PGAP2: variants seen among roughly 807,000 people sequenced by gnomAD.
PGAP2 encodes the protein post-GPI attachment to proteins 2.
Under a neutral mutation model 33.2 loss-of-function variants are expected in PGAP2, and 21 were observed. The ratio of observed to expected loss-of-function variants is 0.63; its 90% CI spans 0.45 to 0.91. The LOEUF (loss-of-function observed/expected upper bound fraction) is 0.91. Ranked by LOEUF, PGAP2 falls within the 40% of genes least tolerant of loss-of-function variation. The pLI, the probability that PGAP2 is intolerant of heterozygous loss-of-function variation, is 0.00. For missense variants in PGAP2, 345 were observed against 424.0 expected (o/e 0.81, Z 1.64); for synonymous variants, 161 against 172.9 (o/e 0.93, Z 0.54).
chr11:3,808,412 C>G, upstream of PGAP2: 1 of 1,545,366 alleles, frequency 6.5e-7, no homozygotes, highest in Non-Finnish European at 8.7e-7. Flanking sequence ...GGGGCAGACC[C>G]GGGCTGTAAA....
intron 5 of PGAP2, chr11:3,824,677 A>C (rs1677084820): frequency 1.3e-6 from 1 of 768,494 alleles, no homozygotes; most frequent in Non-Finnish European, 2.0e-6. Flanking sequence ...GTGTCAGAGG[A>C]CTGGTCTGTC....
chr11:3,825,682 C>T lies in PGAP2; in HGVS notation c.*224C>T, dbSNP rs960385984. 2.5e-6 allele frequency: 1 copy of T among 394,734 alleles called. No homozygotes were observed. The allele number at this position is 394,734 out of a possible 1,614,324, so 24.5% of individuals were successfully genotyped here. A position where few individuals can be genotyped will look rare whatever the true frequency, so the allele number is the denominator to read the frequency against. On this transcript the variant is annotated 3_prime_UTR_variant, in exon 7 of 7. Transcript: ENST00000278243. Reference sequence around the variant, plus strand: ...CAAACATCACCTTTACCTGAGAGGCCCCAAGAAGCTGAGCTGGCAGAGAGC... The same window carrying T: ...CAAACATCACCTTTACCTGAGAGGCTCCAAGAAGCTGAGCTGGCAGAGAGC...
At chr11:3,810,453 T>C (rs1033580375) in intron 1 of PGAP2, among the ~76,000 whole-genome samples, 4 of 152,162 alleles carry the variant, frequency 2.6e-5, no homozygotes, top group Non-Finnish European at 5.9e-5. Context: ...TTATTTGTTA[T>C]AGTTCCTGAC....
intron 1 of PGAP2, among the ~76,000 whole-genome samples, chr11:3,799,148 G>C (rs574955212): frequency 6.6e-6 from 1 of 152,308 alleles, no homozygotes; most frequent in East Asian, 1.9e-4. Flanking sequence ...CCCATTAGCA[G>C]AAAACTGATA....
intron 2 of PGAP2, among the ~76,000 whole-genome samples, chr11:3,815,313 T>C (rs978700787): frequency 7.9e-5 from 12 of 151,368 alleles, no homozygotes; most frequent in South Asian, 2.1e-4. Flanking sequence ...TCTTCTTCTT[T>C]TTTTTTTTTT....
At chr11:3,797,895 C>T (rs1473173930) in exon 1 of PGAP2, 4 of 1,549,092 alleles carry the variant, frequency 2.6e-6, no homozygotes, top group South Asian at 1.2e-5. Flanking sequence ...GGTGACGCAA[C>T]ATAGAGACTC....
chr11:3,824,698 C>T (rs533906073), intron 5 of PGAP2: 39 of 904,358 alleles, frequency 4.3e-5, no homozygotes, highest in Admixed American at 1.5e-4. Context: ...ATAATTCCAG[C>T]GCCCCACCCA....
upstream of PGAP2, among the ~76,000 whole-genome samples, chr11:3,804,392 G>A (rs970235099): frequency 2.0e-5 from 3 of 152,100 alleles, no homozygotes; most frequent in Non-Finnish European, 2.9e-5. Flanking sequence ...CAGGAAGGAT[G>A]TCTTGGTCAT....
chr11:3,818,252 G>A (rs1173690272), intron 3 of PGAP2, among the ~76,000 whole-genome samples: 4 of 149,760 alleles, frequency 2.7e-5, no homozygotes, highest in Admixed American at 1.3e-4. Context: ...TGTAATCCCA[G>A]CTACTCAGGA....
intron 3 of PGAP2, among the ~76,000 whole-genome samples, chr11:3,822,686 C>A (rs1590390166): frequency 6.6e-6 from 1 of 152,158 alleles, no homozygotes; most frequent in African/African-American, 2.4e-5. Context: ...CCTCAGGTTC[C>A]AAGCCTTCTG....
upstream of PGAP2, chr11:3,808,118 C>T: frequency 6.9e-7 from 1 of 1,458,998 alleles, no homozygotes; most frequent in Non-Finnish European, 9.1e-7. Context: ...ATGTCCCCAA[C>T]CGCCCTGACG....
intron 1 of PGAP2, among the ~76,000 whole-genome samples, chr11:3,802,051 T>TTTTCTTTTA (rs888383478): frequency 6.7e-6 from 1 of 150,104 alleles, no homozygotes; most frequent in Non-Finnish European, 1.5e-5. Flanking sequence ...AAATGTCTTT[T>TTTTCTTTTA]TTTCTTTTAT....
chr11:3,824,960 G>A (rs2089749368), intron 5 of PGAP2, 60 bp from the exon 6 acceptor site: 4 of 1,608,784 alleles, frequency 2.5e-6, no homozygotes, highest in Admixed American at 1.7e-5. Context: ...AGGGCTGAGA[G>A]GGGAGCCCAC....
intron 3 of PGAP2, chr11:3,823,019 CTTTTCTTTTTTTTTTTT>C: frequency 2.6e-6 from 1 of 385,006 alleles, no homozygotes; most frequent in South Asian, 5.3e-5. Context: ...TTTCTTTTTT[CTTTTCTTTTTTTTTTTT>C]TTTTTTTTTT....
chr11:3,806,752 A>G (rs7117291), upstream of PGAP2, among the ~76,000 whole-genome samples: 122,593 of 152,032 alleles, frequency 0.81, 49,949 homozygotes, highest in Non-Finnish European at 0.88. Context: ...CTACTGGCGG[A>G]GGCTCATGCC....
intron 2 of PGAP2, among the ~76,000 whole-genome samples, chr11:3,816,017 A>C (rs889498097): frequency 2.0e-5 from 3 of 152,170 alleles, no homozygotes; most frequent in African/African-American, 7.2e-5. Flanking sequence ...ACTGGCAAAG[A>C]AGCTACTGCC....
At chr11:3,821,851 C>G (rs1270363123) in intron 3 of PGAP2, among the ~76,000 whole-genome samples, 1 of 150,894 alleles carries the variant, frequency 6.6e-6, no homozygotes, top group Non-Finnish European at 1.5e-5. Context: ...TTGTTTGAGT[C>G]CAGGAGTTTT....
At chr11:3,802,995 T>C (rs1449283426) in intron 1 of PGAP2, among the ~76,000 whole-genome samples, 1 of 146,902 alleles carries the variant, frequency 6.8e-6, no homozygotes, top group African/African-American at 2.5e-5. Context: ...CCCGGCTAAT[T>C]TTTTTTTTTT....
rs370582493 is a variant in PGAP2 at position 3,823,964 on chromosome 11, C to G, written c.430C>G (p.Leu144Val). 6.2e-6 allele frequency: 10 copies of G among 1,611,242 alleles called. No individual in the cohort carries two copies. The highest frequency in any genetic ancestry group is 8.5e-6 in the Non-Finnish European group (10 of 1,179,974). ...CTACGTGTGGCGTTTCTGCATCGGC[C>G]TGCACTCGGCGCCTCGCTTCTTGGT... ...QRYVWRFCIG[L>V]HSAPRFLVAF... is the part of the protein sequence containing the mutation. The change falls in exon 4 of 7, where the codon CTG becomes GTG. Residue 144 changes from leucine (L) to valine (V), a missense_variant. Transcript: ENST00000278243.
Sources: gnomAD v4.1 joint callset for allele counts (sites outside exome capture counted in the v4.1 genomes callset) on GRCh38, gnomAD v4.1.1 for gene constraint, MANE v1.5 for transcripts, NCBI Gene and HGNC (gene_info 2026-07-23, HGNC 2026-07-21) for gene names.